Variants in RNF216 observed in about 807,000 individuals in gnomAD.
RNF216 encodes ring finger protein 216, also known as E3 ubiquitin-protein ligase RNF216.
RNF216 carries 72 observed loss-of-function variants against 110.8 expected under a neutral mutation model. The observed-to-expected ratio is 0.65, with a 90% confidence interval of 0.54 to 0.79. The LOEUF is 0.79. RNF216 is among the 30% of genes least tolerant of loss of function. RNF216 has a pLI of 0.00. For missense variants in RNF216, 1,342 were observed against 1,141.2 expected, an observed-to-expected ratio of 1.18 and a Z score of -2.54; for synonymous variants, 495 against 407.5, an observed-to-expected ratio of 1.21 and a Z score of -2.59.
Position 5,715,198 on chromosome 7 carries a change from C to A in RNF216, c.1696-8G>T, listed in dbSNP as rs1190911160. On this transcript the variant is annotated splice_polypyrimidine_tract_variant and splice_region_variant and intron_variant, in intron 10 of 16. Coordinates refer to ENST00000389902, the MANE Select transcript of RNF216 (RefSeq NM_207111.4). Reference sequence around the variant, plus strand: ...CTCAATCAGCTGGCCATCCTGCAGGCAGTCAAGAAACACACATGAAATGTC... The same window carrying A: ...CTCAATCAGCTGGCCATCCTGCAGGAAGTCAAGAAACACACATGAAATGTC... The A allele has an allele frequency of 2.5e-6, 4 of 1,611,522 alleles. No individual in the cohort carries two copies. In the Admixed American group the frequency reaches 6.7e-5, roughly 27 times the overall value.
At chr7:5,745,414 C>A (rs1358227327) in intron 3 of RNF216, among the ~76,000 whole-genome samples, 1 of 152,164 alleles carries the variant, frequency 6.6e-6, no homozygotes, top group African/African-American at 2.4e-5. Flanking sequence ...CCATTTATGT[C>A]TGTGGCCATT....
Position 5,624,918 on chromosome 7 carries a change from C to T in RNF216, c.2383-793G>A, listed in dbSNP as rs932388149. Among the ~76,000 whole-genome samples, 4 of 152,208 alleles carry T rather than the reference C, an allele frequency of 2.6e-5. No homozygotes were observed. Among genetic ancestry groups the T allele is most frequent in the South Asian group, 2.1e-4 (1 of 4,832 alleles). On this transcript the variant is annotated intron_variant, in intron 15 of 16. Transcript: ENST00000389902. The surrounding 1 kb of genome is among the most constrained non-coding windows in gnomAD (Gnocchi z 4.4). ...CCAGCAGACACCATGGTGGGAGGAC[C>T]GGGCTGCTGCCTCAGGACAGACCAC...
At chr7:5,642,366 A>T (rs1787791697) in intron 14 of RNF216, among the ~76,000 whole-genome samples, 1 of 151,814 alleles carries the variant, frequency 6.6e-6, no homozygotes, top group Non-Finnish European at 1.5e-5. Context: ...GGCGCCCACC[A>T]CCATGCCCAG....
intron 15 of RNF216, among the ~76,000 whole-genome samples, chr7:5,629,826 CAAAAAAAAAAA>C (rs34172457): frequency 1.9e-5 from 1 of 54,046 alleles, no homozygotes; most frequent in African/African-American, 7.0e-5. Context: ...GACTCTGTCT[CAAAAAAAAAAA>C]AAAAAAAAAA....
chr7:5,751,122 A>G (rs1795307246), intron 3 of RNF216, among the ~76,000 whole-genome samples: 1 of 152,206 alleles, frequency 6.6e-6, no homozygotes, highest in African/African-American at 2.4e-5. Context: ...GCACCCTCAG[A>G]AAGTTTTAAA....
intron 7 of RNF216, among the ~76,000 whole-genome samples, chr7:5,727,707 T>TGA (rs1392338319): frequency 3.3e-5 from 5 of 151,522 alleles, no homozygotes; most frequent in Admixed American, 6.6e-5. Flanking sequence ...CCAGCCTGGG[T>TGA]GAGAGAGAGA....
intron 13 of RNF216, among the ~76,000 whole-genome samples, chr7:5,708,219 G>A (rs1429328764): frequency 6.6e-6 from 1 of 152,248 alleles, no homozygotes; most frequent in African/African-American, 2.4e-5. Flanking sequence ...TTCTGTGCCT[G>A]TTGGCTAGAA....
At chr7:5,686,222 A>G (rs1172315224) in intron 13 of RNF216, among the ~76,000 whole-genome samples, 1 of 131,548 alleles carries the variant, frequency 7.6e-6, no homozygotes, top group Non-Finnish European at 1.6e-5. Flanking sequence ...TGACTCTGTT[A>G]TTAAAAAAAA....
rs556111615 is a variant in RNF216 at position 5,781,570 on chromosome 7, A to C, written c.-99T>G. 2 of 152,266 alleles carry C rather than the reference A, an allele frequency of 1.3e-5. No homozygotes were observed. Among genetic ancestry groups the C allele is most frequent in the African/African-American group, 4.8e-5 (2 of 41,458 alleles). The allele number at this position is 152,266 out of a possible 1,614,324, so 9.4% of individuals were successfully genotyped here. On this transcript the variant is annotated 5_prime_UTR_variant, in exon 1 of 17. Coordinates refer to ENST00000389902, the MANE Select transcript of RNF216 (RefSeq NM_207111.4). ...CACTCAAGTCGCCGGCTAGCCAGGC[A>C]GGTTCGGCGGCCTTCGCTACCGCGC...
intron 2 of RNF216, among the ~76,000 whole-genome samples, chr7:5,760,027 A>G (rs1795849784): frequency 6.6e-6 from 1 of 152,196 alleles, no homozygotes; most frequent in Admixed American, 6.5e-5. Flanking sequence ...GAAAACCAGT[A>G]TAACCTCTTC....
chr7:5,641,437 C>G (rs1787727884), intron 14 of RNF216, 61 bp from the exon 15 acceptor site: 5 of 1,291,688 alleles, frequency 3.9e-6, no homozygotes, highest in Admixed American at 2.0e-5. Flanking sequence ...AAAATATGGC[C>G]ATTAAGCATT....
At chr7:5,643,400 C>T (rs1220480770) in intron 14 of RNF216, among the ~76,000 whole-genome samples, 1 of 151,240 alleles carries the variant, frequency 6.6e-6, no homozygotes, top group East Asian at 1.9e-4. Flanking sequence ...AAACACAGCC[C>T]CGCAGGATGT....
chr7:5,763,189 T>A (rs1796022968), intron 1 of RNF216, among the ~76,000 whole-genome samples: 1 of 152,200 alleles, frequency 6.6e-6, no homozygotes, highest in African/African-American at 2.4e-5. Flanking sequence ...GTAGATTAAC[T>A]GTTAAGTGAC....
chr7:5,682,324 G>T (rs1217595935), intron 13 of RNF216, among the ~76,000 whole-genome samples: 1 of 152,124 alleles, frequency 6.6e-6, no homozygotes, highest in African/African-American at 2.4e-5. Flanking sequence ...CTCTAAAAGG[G>T]CAGCCATGGA....
At chr7:5,728,779 G>A (rs868177785) in intron 7 of RNF216, among the ~76,000 whole-genome samples, 10 of 152,164 alleles carry the variant, frequency 6.6e-5, no homozygotes, top group Admixed American at 5.2e-4. Context: ...AATTTCAGTA[G>A]AATACAATTT....
intron 13 of RNF216, among the ~76,000 whole-genome samples, chr7:5,701,001 A>C (rs911583352): frequency 2.0e-5 from 3 of 152,060 alleles, no homozygotes; most frequent in Admixed American, 2.0e-4. Context: ...CATCCCTGAG[A>C]TTCTAAACCT....
Position 5,722,398 on chromosome 7 carries a change from G to GT in RNF216, c.1505-1227dup, listed in dbSNP as rs1233524070. Reference sequence around the variant, plus strand: ...TTTTTTTTGTTTGTTTGTTTGTTTTGTTTTTTTTTGAGACAGAGTCTCACT... The same window carrying GT: ...TTTTTTTTGTTTGTTTGTTTGTTTTGTTTTTTTTTTGAGACAGAGTCTCACT... On this transcript the variant is annotated intron_variant, in intron 8 of 16. Coordinates refer to ENST00000389902, the MANE Select transcript of RNF216 (RefSeq NM_207111.4). Among the ~76,000 whole-genome samples, 141 of 128,066 alleles carry GT rather than the reference G, an allele frequency of 1.1e-3. 1 individual carries two copies. The highest frequency in any genetic ancestry group is 2.7e-3 in the Admixed American group (35 of 12,854). The allele number at this position is 128,066 out of a possible 152,430, so 84.0% of individuals were successfully genotyped here.
At chr7:5,697,706 A>G (rs1157984122) in intron 13 of RNF216, among the ~76,000 whole-genome samples, 1 of 152,170 alleles carries the variant, frequency 6.6e-6, no homozygotes, top group Non-Finnish European at 1.5e-5. Flanking sequence ...GAATCTTTAC[A>G]AGCAATTTGA....
At chr7:5,731,434 C>A (rs1252997638) in intron 5 of RNF216, among the ~76,000 whole-genome samples, 4 of 145,310 alleles carry the variant, frequency 2.8e-5, no homozygotes, top group Admixed American at 2.0e-4. Context: ...TCACACAAAA[C>A]CCACTAGCTT....
Sources: gnomAD v4.1 joint callset for allele counts (sites outside exome capture counted in the v4.1 genomes callset) on GRCh38, gnomAD v4.1.1 for gene constraint, Gnocchi (gnomAD v3.1) non-coding constraint, MANE v1.5 for transcripts, NCBI Gene and HGNC (gene_info 2026-07-23, HGNC 2026-07-21) for gene names.